Variants in CPD observed in about 807,000 individuals in gnomAD.
The protein encoded by CPD is metallocarboxypeptidase D.
A neutral mutation model predicts 138.3 loss-of-function variants in CPD; 69 were observed. The observed-to-expected ratio is 0.50, with a 90% CI of 0.41 to 0.61. The LOEUF is 0.61. Among genes scored for constraint, CPD ranks in the 20% least tolerant of loss-of-function variants. The pLI, the probability that CPD is intolerant of heterozygous loss-of-function variation, is 0.00. For missense variants in CPD, 1,432 were observed against 1,733.3 expected (o/e 0.83, Z 3.09); for synonymous variants, 651 against 642.1 (o/e 1.01, Z -0.21).
intron 8 of CPD, among the ~76,000 whole-genome samples, chr17:30,437,584 G>A (rs534275954): frequency 6.6e-6 from 1 of 152,164 alleles, no homozygotes; most frequent in Non-Finnish European, 1.5e-5. Flanking sequence ...CCTCAGGAGG[G>A]TGAGGTGGAA....
intron 20 of CPD, among the ~76,000 whole-genome samples, chr17:30,463,384 G>A (rs537621794): frequency 1.3e-5 from 2 of 152,182 alleles, no homozygotes; most frequent in Non-Finnish European, 2.9e-5. Context: ...AGCCTAGAAC[G>A]ATGGTTAGCA....
chr17:30,443,006 A>AG lies in CPD; in HGVS notation c.2373+557dup, dbSNP rs899692196. Among the ~76,000 whole-genome samples, 21 of 107,624 alleles carry AG rather than the reference A, an allele frequency of 2.0e-4. No individual in the cohort carries two copies. In the East Asian group the frequency reaches 2.6e-3, roughly 13 times the overall value. 70.6% of individuals were successfully genotyped at this position (107,624 alleles called of 152,430 possible). A position where few individuals can be genotyped will look rare whatever the true frequency, so the allele number is the denominator to read the frequency against. On this transcript the variant is annotated intron_variant, in intron 10 of 20. Coordinates refer to ENST00000225719, the MANE Select transcript of CPD (RefSeq NM_001304.5). ...TGAGTGGTGTGACATAAAGTCTGTG[A>AG]GTTTTTTTTACTATATTTAAAGACA...
intron 8 of CPD, among the ~76,000 whole-genome samples, chr17:30,434,004 T>C (rs1912635289): frequency 6.6e-6 from 1 of 152,192 alleles, no homozygotes; most frequent in Non-Finnish European, 1.5e-5. Context: ...GCCTTTTTTC[T>C]CTTGGTCAAT....
intron 2 of CPD, among the ~76,000 whole-genome samples, chr17:30,385,666 T>G (rs1233061324): frequency 1.3e-5 from 2 of 151,950 alleles, no homozygotes; most frequent in African/African-American, 4.8e-5. Flanking sequence ...TTACCATAAC[T>G]GAGAAATCAA....
At chr17:30,382,126 A>T (rs1041115274) in intron 1 of CPD, among the ~76,000 whole-genome samples, 1 of 152,180 alleles carries the variant, frequency 6.6e-6, no homozygotes, top group Non-Finnish European at 1.5e-5. Flanking sequence ...GAAAAGCATT[A>T]TTACAGTGTT....
At chr17:30,461,435 G>A in intron 18 of CPD, 124 bp downstream of exon 18, 1 of 709,448 alleles carries the variant, frequency 1.4e-6, no homozygotes, top group Non-Finnish European at 1.9e-6. Context: ...AGAAAGAAGA[G>A]TTTTGGTCAT....
chr17:30,448,486 G>A (rs1461626983), intron 12 of CPD, among the ~76,000 whole-genome samples: 1 of 152,216 alleles, frequency 6.6e-6, no homozygotes, highest in Admixed American at 6.5e-5. Context: ...ACACATGCCA[G>A]TGGTGGGGCA....
chr17:30,388,893 G>A (rs752047695), intron 2 of CPD, among the ~76,000 whole-genome samples: 5 of 152,140 alleles, frequency 3.3e-5, no homozygotes, highest in African/African-American at 4.8e-5. Context: ...CACGTGTGGC[G>A]GACACTGGGG....
chr17:30,420,956 T>C lies in CPD; in HGVS notation c.1110T>C (p.Arg370=), dbSNP rs1458654208. The C allele has an allele frequency of 2.5e-6, 4 of 1,613,834 alleles. No homozygotes were observed. The highest frequency in any genetic ancestry group is 3.3e-4 in the Middle Eastern group (2 of 6,062). The change falls in exon 3 of 21, where the codon CGT becomes CGC. Residue 370 remains arginine, a synonymous_variant. Coordinates refer to ENST00000225719, the MANE Select transcript of CPD (RefSeq NM_001304.5). ...TTCGACAGGAATGGGAGAACAATCG[T>C]GAGTCTTTGATCACATTGATTGAAA... is the stretch of plus-strand genomic sequence containing the variant. The part of the protein sequence containing the change: ...SQLRQEWENN[R]ESLITLIEKV...
intron 20 of CPD, 31 bp from the exon 21 acceptor site, chr17:30,464,557 T>G: frequency 6.4e-7 from 1 of 1,570,030 alleles, no homozygotes; most frequent in Non-Finnish European, 8.8e-7. Context: ...TAAAGTATAA[T>G]ATCACCCACA....
Position 30,384,776 on chromosome 17 carries a change from G to C in CPD, c.747-213G>C, listed in dbSNP as rs567475826. Among the ~76,000 whole-genome samples the C allele has an allele frequency of 2.5e-3, 377 of 152,268 alleles. 1 individual carries two copies. Among genetic ancestry groups the C allele is most frequent in the African/African-American group, 8.7e-3 (360 of 41,542 alleles). On this transcript the variant is annotated intron_variant, in intron 1 of 20. Transcript: ENST00000225719. ...TTTAGGTTAACCTGAATTGTTAAAG[G>C]TGTTTGAAATCTTAAATTGATAATA...
At chr17:30,437,205 T>G (rs1421052238) in intron 8 of CPD, among the ~76,000 whole-genome samples, 1 of 151,930 alleles carries the variant, frequency 6.6e-6, no homozygotes, top group Non-Finnish European at 1.5e-5. Context: ...GTCCTAAAAT[T>G]TATTATGGTG....
intron 1 of CPD, 37 bp from the exon 2 acceptor site, chr17:30,384,952 T>C (rs764923547): frequency 6.3e-7 from 1 of 1,590,438 alleles, no homozygotes; most frequent in Non-Finnish European, 8.6e-7. Flanking sequence ...TTTTGTGTCC[T>C]TTTTTAGTGA....
In CPD at chr17:30,379,017, C is replaced by G; in HGVS notation, c.37C>G (p.Leu13Val). ...SGRDERPPWR[L>V]GRLLLLMCLL... The stretch of plus-strand genomic sequence containing the variant: ...CCGGGACGAGCGGCCGCCTTGGCGG[C>G]TAGGGCGGCTCCTGTTGCTCATGTG... Residue 13 changes from leucine to valine, a missense_variant, in exon 1 of 21, where the codon CTA becomes GTA. Leu to Val is a conservative substitution (Grantham distance 32, BLOSUM62 1). This residue lies in a region of CPD where 484 missense variants were observed against 477.2 expected (regional missense o/e 1.01). Transcript: ENST00000225719. This position sits in a 1 kb window ranked among gnomAD's most constrained non-coding sequence, Gnocchi z 7.0. The G allele has an allele frequency of 2.6e-6, 4 of 1,554,120 alleles. No individual in the cohort carries two copies. The highest frequency in any genetic ancestry group is 1.4e-5 in the African/African-American group (1 of 70,508).
chr17:30,385,677 T>C (rs186627765), intron 2 of CPD, among the ~76,000 whole-genome samples: 2 of 152,032 alleles, frequency 1.3e-5, no homozygotes, highest in East Asian at 3.9e-4. Flanking sequence ...GAGAAATCAA[T>C]GATAATTTAA....
chr17:30,455,287 CA>C, intron 14 of CPD, 51 bp from the exon 15 acceptor site: 8 of 1,414,176 alleles, frequency 5.7e-6, no homozygotes, highest in Non-Finnish European at 6.8e-6. Flanking sequence ...CTTAGATACT[CA>C]TACTAAGATT....
intron 2 of CPD, among the ~76,000 whole-genome samples, chr17:30,417,819 T>C (rs1912152715): frequency 6.6e-6 from 1 of 152,162 alleles, no homozygotes. Flanking sequence ...ACAAATGAAA[T>C]GCCATTTTTT....
Position 30,381,745 on chromosome 17 carries a change from A to G in CPD, c.746+2019A>G, listed in dbSNP as rs144688195. Among the ~76,000 whole-genome samples, 185 of 152,350 alleles carry G rather than the reference A, an allele frequency of 1.2e-3. 1 individual carries two copies. The highest frequency in any genetic ancestry group is 4.0e-3 in the Admixed American group (61 of 15,310). ...TTTAAATACTCAAACATTAGTCTGT[A>G]TGGGAAAACTACCTTTTTCAGTGTA... On this transcript the variant is annotated intron_variant, in intron 1 of 20. Coordinates refer to ENST00000225719, the MANE Select transcript of CPD (RefSeq NM_001304.5).
chr17:30,396,375 TAA>T (rs901313250), intron 2 of CPD, among the ~76,000 whole-genome samples: 1 of 145,048 alleles, frequency 6.9e-6, no homozygotes. Flanking sequence ...CAGAGGCAAG[TAA>T]AAAAAAAAAC....
Sources: allele counts gnomAD v4.1 joint callset (sites outside exome capture counted in the v4.1 genomes callset), GRCh38; gene constraint gnomAD v4.1.1; regional missense constraint gnomAD v4.1.1; non-coding constraint Gnocchi (gnomAD v3.1); transcripts MANE v1.5; gene names NCBI Gene and HGNC (gene_info 2026-07-23, HGNC 2026-07-21).